Variants in COG6 observed in about 807,000 individuals in gnomAD.
COG6 encodes conserved oligomeric Golgi complex subunit 6.
A neutral mutation model predicts 88.8 loss-of-function variants in COG6; 74 were observed. The ratio of observed to expected loss-of-function variants is 0.83; its 90% confidence interval spans 0.69 to 1.01. The LOEUF is 1.01. Among genes scored for constraint, COG6 ranks in the 50% least tolerant of loss-of-function variants. COG6 has a pLI of 0.00. For missense variants in COG6, 800 were observed against 797.9 expected, an observed-to-expected ratio of 1.00 and a Z score of -0.03; for synonymous variants, 286 against 278.7, an observed-to-expected ratio of 1.03 and a Z score of -0.26.
chr13:39,750,836 GA>G, intron 18 of COG6, 109 bp from the exon 19 acceptor site: 1 of 779,722 alleles, frequency 1.3e-6, no homozygotes, highest in Non-Finnish European at 2.2e-6. Flanking sequence ...GTGTATGTGT[GA>G]TGATAATGAA....
At chr13:39,790,044 A>G (rs1032348587) in exon 19 of COG6, 1 of 152,194 alleles carries the variant, frequency 6.6e-6, no homozygotes, top group Admixed American at 6.5e-5. Context: ...TTAACCAGGT[A>G]GGTTATATTG....
intron 4 of COG6, among the ~76,000 whole-genome samples, chr13:39,668,606 G>T (rs1875417408): frequency 6.6e-6 from 1 of 152,032 alleles, no homozygotes; most frequent in Non-Finnish European, 1.5e-5. Flanking sequence ...GGCTAATGCG[G>T]TGAAACCCCA....
exon 19 of COG6, chr13:39,790,907 G>T (rs1180832480): frequency 6.6e-6 from 1 of 151,718 alleles, no homozygotes; most frequent in South Asian, 2.1e-4. Context: ...CACATCATTT[G>T]TGTTATATTT....
intron 18 of COG6, among the ~76,000 whole-genome samples, chr13:39,758,128 G>A (rs558358757): frequency 3.3e-5 from 5 of 150,206 alleles, no homozygotes; most frequent in Non-Finnish European, 7.4e-5. Flanking sequence ...GCTGAGGCAG[G>A]AGAATCACTT....
At position 39,723,536 on chromosome 13, in the gene COG6, T is replaced by G. The variant is rs1878967006; in HGVS notation, c.1692+96T>G. ...TCTGGATTCTTGGCTCTACCACATA[T>G]TAGCTGTGTTCTCCTGGGAAAGTGA... On this transcript the variant is annotated intron_variant, in intron 16 of 18. Transcript: ENST00000455146. The G allele has an allele frequency of 4.0e-6, 3 of 754,570 alleles. No individual in the cohort carries two copies. In the Admixed American group the frequency reaches 5.8e-5, roughly 15 times the overall value. 46.7% of individuals were successfully genotyped at this position (754,570 alleles called of 1,614,324 possible). A position where few individuals can be genotyped will look rare whatever the true frequency, so the allele number is the denominator to read the frequency against.
chr13:39,784,273 A>T (rs117527899), intron 18 of COG6, among the ~76,000 whole-genome samples: 1 of 152,322 alleles, frequency 6.6e-6, no homozygotes, highest in East Asian at 1.9e-4. Flanking sequence ...ACCCGTCAGG[A>T]GAACATCCTA....
chr13:39,772,976 A>G (rs1881361273), intron 18 of COG6, among the ~76,000 whole-genome samples: 1 of 152,102 alleles, frequency 6.6e-6, no homozygotes, highest in South Asian at 2.1e-4. Context: ...AGCTTTGTAT[A>G]TTTTATGTCT....
intron 13 of COG6, among the ~76,000 whole-genome samples, chr13:39,714,288 A>T (rs1035756695): frequency 3.3e-5 from 5 of 152,096 alleles, no homozygotes; most frequent in Non-Finnish European, 5.9e-5. Flanking sequence ...AATGGGATCT[A>T]ATTAAACTAA....
At chr13:39,756,662 A>G (rs1880845368), downstream of COG6, among the ~76,000 whole-genome samples, 1 of 152,134 alleles carries the variant, frequency 6.6e-6, no homozygotes, top group Non-Finnish European at 1.5e-5. Flanking sequence ...GTGATCCTCC[A>G]TAAGATGAAT....
At chr13:39,686,300 A>G (rs1334677778) in intron 8 of COG6, among the ~76,000 whole-genome samples, 2 of 152,202 alleles carry the variant, frequency 1.3e-5, no homozygotes, top group South Asian at 2.1e-4. Context: ...TTTAAAATGG[A>G]AAGAACTTTC....
intron 8 of COG6, among the ~76,000 whole-genome samples, chr13:39,684,268 T>TTTTTTTTTTTTTA (rs11435086): frequency 7.5e-6 from 1 of 134,028 alleles, no homozygotes; most frequent in Non-Finnish European, 1.6e-5. Flanking sequence ...TTTTTTTTTT[T>TTTTTTTTTTTTTA]GAGACGGAGT....
At chr13:39,739,407 G>A (rs925218864) in intron 18 of COG6, among the ~76,000 whole-genome samples, 1 of 151,966 alleles carries the variant, frequency 6.6e-6, no homozygotes, top group Non-Finnish European at 1.5e-5. Flanking sequence ...GAAAGAAAGA[G>A]TTGCAATATT....
chr13:39,680,627 T>A (rs1397319815), intron 7 of COG6, among the ~76,000 whole-genome samples: 1 of 152,232 alleles, frequency 6.6e-6, no homozygotes, highest in African/African-American at 2.4e-5. Flanking sequence ...TTCAGTTAGT[T>A]GGCAGAATTC....
At chr13:39,733,380 G>A (rs375483392) in intron 18 of COG6, among the ~76,000 whole-genome samples, 9 of 151,730 alleles carry the variant, frequency 5.9e-5, no homozygotes, top group East Asian at 1.9e-4. Flanking sequence ...TAGTAGAGAC[G>A]GGGTTTCACC....
In COG6 at chr13:39,727,765, G is replaced by C. The variant is rs535709762; in HGVS notation, c.1826+217G>C. Among the ~76,000 whole-genome samples, 7 of 152,088 alleles carry C rather than the reference G, an allele frequency of 4.6e-5. No individual in the cohort carries two copies. The East Asian group carries it at 7.7e-4, about 17-fold the overall frequency. On this transcript the variant is annotated intron_variant, in intron 18 of 18. Transcript: ENST00000455146. Reference sequence around the variant, plus strand: ...TATGTCACTCCAAAATCTCTAATTAGTACATGATTGTTAAAATTACTTTGA... The same window carrying C: ...TATGTCACTCCAAAATCTCTAATTACTACATGATTGTTAAAATTACTTTGA...
intron 13 of COG6, among the ~76,000 whole-genome samples, chr13:39,702,913 A>C (rs1877664075): frequency 6.6e-6 from 1 of 152,154 alleles, no homozygotes. Context: ...AATACTGGTA[A>C]CATGAATGGT....
Position 39,678,000 on chromosome 13 carries a change from T to C in COG6, c.540+421T>C, listed in dbSNP as rs1039909872. On this transcript the variant is annotated intron_variant, in intron 5 of 18. Coordinates refer to ENST00000455146, the MANE Select transcript of COG6 (RefSeq NM_020751.3). ...ACTCTGTCTCCTCCCCCAACACAGATAGTACACACATATGTTCTCTTTATC... is the reference window on the plus strand; with the variant it reads ...ACTCTGTCTCCTCCCCCAACACAGACAGTACACACATATGTTCTCTTTATC... 10 of 419,332 alleles carry C rather than the reference T, an allele frequency of 2.4e-5. No homozygotes were observed. The East Asian group carries it at 3.1e-4, about 13-fold the overall frequency. The allele number at this position is 419,332 out of a possible 1,614,324, so 26.0% of individuals were successfully genotyped here.
intron 4 of COG6, among the ~76,000 whole-genome samples, chr13:39,672,215 A>C (rs1319881455): frequency 6.6e-6 from 1 of 152,044 alleles, no homozygotes; most frequent in Non-Finnish European, 1.5e-5. Flanking sequence ...TATTTTGTAC[A>C]GTTATAATAA....
chr13:39,750,186 A>G (rs1306117863), intron 18 of COG6, among the ~76,000 whole-genome samples: 5 of 152,192 alleles, frequency 3.3e-5, no homozygotes, highest in Non-Finnish European at 7.3e-5. Flanking sequence ...CATGAGTACC[A>G]TGAGAACCAT....
Sources: gnomAD v4.1 joint callset for allele counts (sites outside exome capture counted in the v4.1 genomes callset) on GRCh38, gnomAD v4.1.1 for gene constraint, MANE v1.5 for transcripts, NCBI Gene and HGNC (gene_info 2026-07-23, HGNC 2026-07-21) for gene names.